SLC9A9: variants seen among roughly 807,000 people sequenced by gnomAD.
SLC9A9 encodes the protein sodium/hydrogen exchanger 9.
A neutral mutation model predicts 77.8 loss-of-function variants in SLC9A9; 62 were observed. The observed-to-expected ratio is 0.80, with a 90% CI of 0.65 to 0.98. The LOEUF (loss-of-function observed/expected upper bound fraction) is 0.98. Among genes scored for constraint, SLC9A9 ranks in the 50% least tolerant of loss-of-function variants. The pLI is 0.00. For synonymous variants in SLC9A9, 320 were observed against 283.5 expected (o/e 1.13, Z -1.29); for missense variants, 775 against 774.9 (o/e 1.00, Z 0.00).
At chr3:143,484,738 G>T (rs1217146155) in intron 11 of SLC9A9, among the ~76,000 whole-genome samples, 1 of 152,178 alleles carries the variant, frequency 6.6e-6, no homozygotes, top group Non-Finnish European at 1.5e-5. Context: ...TAAATCTGAG[G>T]TTGTGTCATG....
chr3:143,797,723 C>G (rs948786299), intron 2 of SLC9A9, among the ~76,000 whole-genome samples: 1 of 152,154 alleles, frequency 6.6e-6, no homozygotes, highest in African/African-American at 2.4e-5. Flanking sequence ...AAAGCTCCCC[C>G]ACTGAGCACC....
chr3:143,274,781 T>C (rs1195600387), intron 14 of SLC9A9, among the ~76,000 whole-genome samples: 1 of 152,226 alleles, frequency 6.6e-6, no homozygotes, highest in Non-Finnish European at 1.5e-5. Flanking sequence ...CTCAGAATAA[T>C]ACTGATAATG....
rs540604220 is a variant in SLC9A9, at chr3:143,830,460, C to T, written c.378+1559G>A. 2.6e-4 allele frequency among the ~76,000 whole-genome samples: 40 copies of T among 152,278 alleles called. No homozygotes were observed. In the South Asian group the frequency reaches 8.3e-3, roughly 32 times the overall value. Reference sequence around the variant, plus strand: ...ATTTTTCAAAAGCAAACATTTGGCTCTGGATGCTGATGAAGGAATAAATAT... The same window carrying T: ...ATTTTTCAAAAGCAAACATTTGGCTTTGGATGCTGATGAAGGAATAAATAT... On this transcript the variant is annotated intron_variant, in intron 2 of 15. Coordinates refer to ENST00000316549, the MANE Select transcript of SLC9A9 (RefSeq NM_173653.4).
chr3:143,841,613 T>C (rs2009708111), intron 1 of SLC9A9, among the ~76,000 whole-genome samples: 2 of 152,184 alleles, frequency 1.3e-5, no homozygotes, highest in Admixed American at 1.3e-4. Flanking sequence ...GATATGCACA[T>C]TCATTAGCCT....
intron 12 of SLC9A9, among the ~76,000 whole-genome samples, chr3:143,384,716 C>T (rs1324317621): frequency 6.6e-6 from 1 of 152,140 alleles, no homozygotes; most frequent in Non-Finnish European, 1.5e-5. Context: ...TACCTCCTCC[C>T]ACATCTCATC....
intron 6 of SLC9A9, among the ~76,000 whole-genome samples, chr3:143,619,654 A>T (rs1393250691): frequency 5.3e-5 from 8 of 152,196 alleles, no homozygotes; most frequent in Non-Finnish European, 8.8e-5. Context: ...AGCTTTGGGT[A>T]AGAGGATAAA....
In SLC9A9 at chr3:143,288,516, T is replaced by A. The variant is rs372627723; in HGVS notation, c.1605-19536A>T. Among the ~76,000 whole-genome samples, 30 of 152,258 alleles carry A rather than the reference T, an allele frequency of 2.0e-4. No homozygotes were observed. The South Asian group carries it at 6.0e-3, about 31-fold the overall frequency. ...CCTCTGAATTACAAAAGGAAGACTT[T>A]GGGGGGCAAATAATACATCTTCAGC... On this transcript the variant is annotated intron_variant, in intron 14 of 15. Transcript: ENST00000316549.
rs143136519 is a variant in SLC9A9, at chr3:143,622,656, A to T, written c.755+29599T>A. Among the ~76,000 whole-genome samples the T allele has an allele frequency of 1.5e-4, 23 of 152,354 alleles. No homozygotes were observed. The East Asian group carries it at 2.3e-3, about 15-fold the overall frequency. Reference sequence around the variant, plus strand: ...GGAACAACTGCTACCAGCCATTGCAAAAACATGCCAAATTGTAAAGACCAT... The same window carrying T: ...GGAACAACTGCTACCAGCCATTGCATAAACATGCCAAATTGTAAAGACCAT... On this transcript the variant is annotated intron_variant, in intron 6 of 15. Coordinates refer to ENST00000316549, the MANE Select transcript of SLC9A9 (RefSeq NM_173653.4).
intron 14 of SLC9A9, among the ~76,000 whole-genome samples, chr3:143,295,678 T>C (rs1001450360): frequency 1.3e-5 from 2 of 152,194 alleles, no homozygotes; most frequent in Non-Finnish European, 2.9e-5. Flanking sequence ...TCCATCCTCA[T>C]AGCTAACCTT....
intron 12 of SLC9A9, among the ~76,000 whole-genome samples, chr3:143,459,601 A>T (rs838609): frequency 0.71 from 107,345 of 151,910 alleles, 38,715 homozygotes; most frequent in African/African-American, 0.84. Flanking sequence ...TTATTGTCTT[A>T]GGTGTATGCT....
intron 12 of SLC9A9, among the ~76,000 whole-genome samples, chr3:143,434,616 A>G (rs1316284397): frequency 6.6e-6 from 1 of 152,086 alleles, no homozygotes; most frequent in Non-Finnish European, 1.5e-5. Context: ...GAATACGCCT[A>G]TGCTGCCTCT....
chr3:143,495,560 AC>A, intron 9 of SLC9A9, 112 bp from the exon 10 acceptor site: 1 of 809,726 alleles, frequency 1.2e-6, no homozygotes, highest in African/African-American at 1.7e-5. Flanking sequence ...CTGGAAGGCC[AC>A]CCCTTTGGCC....
At chr3:143,692,145 A>G (rs1483717624) in intron 5 of SLC9A9, among the ~76,000 whole-genome samples, 1 of 152,054 alleles carries the variant, frequency 6.6e-6, no homozygotes. Flanking sequence ...ATTCAACCAC[A>G]AGACAAATTA....
chr3:143,668,793 A>G (rs553962496), intron 5 of SLC9A9, among the ~76,000 whole-genome samples: 5 of 152,228 alleles, frequency 3.3e-5, no homozygotes, highest in Admixed American at 6.5e-5. Context: ...CCTCGTAATC[A>G]GGAACTTCTT....
At chr3:143,406,356 AT>A (rs1405933320) in intron 12 of SLC9A9, among the ~76,000 whole-genome samples, 21 of 152,020 alleles carry the variant, frequency 1.4e-4, no homozygotes, top group Admixed American at 6.5e-4. Context: ...ACATTATAGG[AT>A]CACTAAGATT....
At position 143,278,502 on chromosome 3, in the gene SLC9A9, T is replaced by G. The variant is rs146378453; in HGVS notation, c.1605-9522A>C. Among the ~76,000 whole-genome samples the G allele has an allele frequency of 8.5e-5, 13 of 152,336 alleles. No individual in the cohort carries two copies. In the East Asian group the frequency reaches 2.5e-3, roughly 29 times the overall value. On this transcript the variant is annotated intron_variant, in intron 14 of 15. Coordinates refer to ENST00000316549, the MANE Select transcript of SLC9A9 (RefSeq NM_173653.4). ...GAGTGACTTAAAACTGCAAATTTAT[T>G]GTCTCAGTTCTAGAGGCTAAATCCA...
At chr3:143,827,277 TG>T (rs1213865847) in intron 2 of SLC9A9, among the ~76,000 whole-genome samples, 1 of 151,228 alleles carries the variant, frequency 6.6e-6, no homozygotes, top group African/African-American at 2.5e-5. Context: ...ATTTGACAAA[TG>T]GTGGTGGAAA....
At chr3:143,325,721 T>C (rs187777699) in intron 14 of SLC9A9, among the ~76,000 whole-genome samples, 2 of 152,224 alleles carry the variant, frequency 1.3e-5, no homozygotes, top group Admixed American at 1.3e-4. Flanking sequence ...CTCATGCTGG[T>C]CAGTACTATG....
intron 14 of SLC9A9, among the ~76,000 whole-genome samples, chr3:143,306,287 C>G (rs1033298374): frequency 2.0e-5 from 3 of 152,188 alleles, no homozygotes; most frequent in African/African-American, 7.2e-5. Flanking sequence ...AATCCACACA[C>G]CTTCCTGCCA....
Sources: gnomAD v4.1 joint callset for allele counts (sites outside exome capture counted in the v4.1 genomes callset) on GRCh38, gnomAD v4.1.1 for gene constraint, MANE v1.5 for transcripts, NCBI Gene and HGNC (gene_info 2026-07-23, HGNC 2026-07-21) for gene names.